Variants in GHRH observed in about 807,000 individuals in gnomAD.
The protein encoded by GHRH is somatoliberin.
In GHRH, 7 loss-of-function variants were observed where a neutral mutation model predicts 15.6. That is an observed-to-expected ratio of 0.45 (90% CI 0.26 to 0.84). The LOEUF (loss-of-function observed/expected upper bound fraction) is 0.84. GHRH is among the 40% of genes least tolerant of loss of function. The pLI, the probability that GHRH is intolerant of heterozygous loss-of-function variation, is 0.18. For missense variants in GHRH, 117 were observed against 138.0 expected, an observed-to-expected ratio of 0.85 and a Z score of 0.76; for synonymous variants, 54 against 50.4, an observed-to-expected ratio of 1.07 and a Z score of -0.30.
At chr20:37,251,448 C>T (rs1053048875) in intron 4 of GHRH, among the ~76,000 whole-genome samples, 3 of 152,154 alleles carry the variant, frequency 2.0e-5, no homozygotes, top group Admixed American at 6.5e-5. Flanking sequence ...CAACTCCCAC[C>T]GAGACCCTGG....
chr20:37,256,335 C>A lies in GHRH; in HGVS notation c.188+59G>T, dbSNP rs2068655485. On this transcript the variant is annotated intron_variant, in intron 3 of 4. Transcript: ENST00000373614. The stretch of plus-strand genomic sequence containing the variant: ...TTGGTCCCTGGTCCCCTGTAGGGAA[C>A]AAGCTCCTGCAGACTCTGCTGCAGG... 2.7e-6 allele frequency: 3 copies of A among 1,100,716 alleles called. No individual in the cohort carries two copies. The Admixed American group carries it at 6.0e-5, about 22-fold the overall frequency. The allele number at this position is 1,100,716 out of a possible 1,614,324, so 68.2% of individuals were successfully genotyped here. A position where few individuals can be genotyped will look rare whatever the true frequency, so the allele number is the denominator to read the frequency against.
In GHRH at chr20:37,254,225, AG is replaced by A. The variant is rs1391081622; in HGVS notation, c.292del (p.Leu98CysfsTer22). The part of the protein sequence containing the change: ...QMELESILVA[L>X]LQKHSRNSQG ...ACACCCATACCTGTGCTTCTGCAGC[AG>A]GGCCACCAGGATGCTCTCCAATTCC... On this transcript the variant is annotated frameshift_variant, in exon 4 of 5. Transcript: ENST00000373614. LOFTEE classifies it high-confidence loss of function. 1 of 1,614,062 alleles carries A rather than the reference AG, an allele frequency of 6.2e-7. No individual in the cohort carries two copies. The highest frequency in any genetic ancestry group is 8.5e-7 in the Non-Finnish European group (1 of 1,180,018).
chr20:37,254,135 T>G, intron 4 of GHRH, 75 bp downstream of exon 4: 3 of 1,539,646 alleles, frequency 1.9e-6, no homozygotes, highest in South Asian at 2.3e-5. Flanking sequence ...GGAGTGGATT[T>G]TTTCCTTTTC....
intron 1 of GHRH, among the ~76,000 whole-genome samples, chr20:37,261,322 T>G (rs1397553558): frequency 1.3e-5 from 2 of 152,226 alleles, no homozygotes; most frequent in African/African-American, 4.8e-5. Context: ...TCCCGGCAAT[T>G]ACATTGAATC....
intron 3 of GHRH, among the ~76,000 whole-genome samples, chr20:37,255,334 A>C (rs1300674003): frequency 6.6e-6 from 1 of 152,010 alleles, no homozygotes; most frequent in Non-Finnish European, 1.5e-5. Context: ...TTTGGCTCCA[A>C]ACTCTGCCAC....
At chr20:37,261,497 C>T (rs2068687019) in intron 1 of GHRH, among the ~76,000 whole-genome samples, 1 of 152,232 alleles carries the variant, frequency 6.6e-6, no homozygotes, top group South Asian at 2.1e-4. Flanking sequence ...CCACCTGCGA[C>T]AGACACCTGG....
Position 37,256,836 on chromosome 20 carries a change from G to A in GHRH, c.54C>T (p.His18=), listed in dbSNP as rs1350327184. The A allele has an allele frequency of 6.2e-7, 1 of 1,613,318 alleles. No individual in the cohort carries two copies. The change falls in exon 2 of 5, where the codon CAC becomes CAT. Residue 18 remains histidine, a synonymous_variant. Transcript: ENST00000373614. ...GGGTCAAAGGGGGAGGTGGGGAGCA[G>A]TGGGAGCTGTTGCTGAGGGTGAGGA... ...FVILTLSNSS[H]CSPPPPLTLR...
intron 4 of GHRH, among the ~76,000 whole-genome samples, 156 bp downstream of exon 4, chr20:37,254,054 C>T (rs559692647): frequency 2.6e-5 from 4 of 152,240 alleles, no homozygotes; most frequent in African/African-American, 9.6e-5. Context: ...CAGCCACTCT[C>T]CTAGTTCTTA....
chr20:37,251,131 GA>G lies in GHRH; in HGVS notation c.*81del. 4.2e-6 allele frequency: 4 copies of G among 947,258 alleles called. No individual in the cohort carries two copies. Among genetic ancestry groups the G allele is most frequent in the Admixed American group, 2.5e-5 (1 of 39,272 alleles). The allele number at this position is 947,258 out of a possible 1,614,324, so 58.7% of individuals were successfully genotyped here. The stretch of plus-strand genomic sequence containing the variant: ...GGGGAATTTTATTGTATTTTCAAAG[GA>G]AAAAGTGGGTCAGAAATGAGAGGAT... On this transcript the variant is annotated 3_prime_UTR_variant, in exon 5 of 5. Coordinates refer to ENST00000373614, the MANE Select transcript of GHRH (RefSeq NM_021081.6).
In GHRH at chr20:37,254,271, A is replaced by G. The variant is rs1216187726; in HGVS notation, c.247T>C (p.Trp83Arg). Reference protein sequence around the residue: ...ARLGRQVDSMWAEQKQMELES... With the variant: ...ARLGRQVDSMRAEQKQMELES... ...AATTCCATTTGCTTTTGTTCTGCCCACATGCTGTCTACCTGACGACCAAGC... is the reference window on the plus strand; with the variant it reads ...AATTCCATTTGCTTTTGTTCTGCCCGCATGCTGTCTACCTGACGACCAAGC... Residue 83 changes from tryptophan (W) to arginine (R), a missense_variant, in exon 4 of 5, where the codon TGG (tryptophan) becomes CGG (arginine). Trp to Arg is a moderately radical substitution (Grantham distance 101). Coordinates refer to ENST00000373614, the MANE Select transcript of GHRH (RefSeq NM_021081.6). 5 of 1,614,134 alleles carry G rather than the reference A, an allele frequency of 3.1e-6. No homozygotes were observed. The highest frequency in any genetic ancestry group is 3.3e-5 in the Admixed American group (2 of 60,022).
intron 4 of GHRH, among the ~76,000 whole-genome samples, chr20:37,252,277 G>A (rs1277804623): frequency 6.6e-6 from 1 of 152,192 alleles, no homozygotes; most frequent in African/African-American, 2.4e-5. Flanking sequence ...CAGACTGGTT[G>A]TCGCCTCTCC....
At chr20:37,252,199 G>C (rs2068625226) in intron 4 of GHRH, among the ~76,000 whole-genome samples, 1 of 152,172 alleles carries the variant, frequency 6.6e-6, no homozygotes, top group Non-Finnish European at 1.5e-5. Context: ...GAGTCGAAAC[G>C]AAGAAGTGTG....
rs769882784 is a variant in GHRH, at chr20:37,256,877, C to T, written c.13G>A (p.Val5Met). 8 of 1,611,248 alleles carry T rather than the reference C, an allele frequency of 5.0e-6. No homozygotes were observed. The highest frequency in any genetic ancestry group is 6.8e-6 in the Non-Finnish European group (8 of 1,178,974). Residue 5 changes from valine to methionine, a missense_variant, in exon 2 of 5, where the codon GTG (valine) becomes ATG (methionine). Physicochemically the swap from Val to Met is conservative, Grantham distance 21. Coordinates refer to ENST00000373614, the MANE Select transcript of GHRH (RefSeq NM_021081.6). ...AGGGTGAGGATCACAAAGAAGAACA[C>T]CCAGAGTGGCATCCTTCACCCGGGG... is the stretch of plus-strand genomic sequence containing the variant. MPLW[V>M]FFFVILTLSN... is the part of the protein sequence containing the mutation.
chr20:37,259,227 C>G (rs1420444028), intron 1 of GHRH, among the ~76,000 whole-genome samples: 1 of 152,204 alleles, frequency 6.6e-6, no homozygotes, highest in Non-Finnish European at 1.5e-5. Context: ...TCTGCACCTA[C>G]AGCCACACGA....
At chr20:37,261,436 G>A (rs963413513) in intron 1 of GHRH, among the ~76,000 whole-genome samples, 2 of 152,150 alleles carry the variant, frequency 1.3e-5, no homozygotes, top group Non-Finnish European at 2.9e-5. Flanking sequence ...GCCAACTCAC[G>A]TTTGCCCCCG....
rs970111387 is a variant in GHRH, at chr20:37,256,438, C to A, written c.144G>T (p.Leu48=). The change falls in exon 3 of 5, where the codon CTG becomes CTT. Residue 48 remains leucine (L), a synonymous_variant. Coordinates refer to ENST00000373614, the MANE Select transcript of GHRH (RefSeq NM_021081.6). ...TGTCCTGGAGCAGCTTGCGGGCGGA[C>A]AGCTGGCCCAGCACCTTCCGGTAGC... is the stretch of plus-strand genomic sequence containing the variant. ...TNSYRKVLGQ[L]SARKLLQDIM... 9 of 1,613,468 alleles carry A rather than the reference C, an allele frequency of 5.6e-6. No individual in the cohort carries two copies. The Admixed American group carries it at 8.3e-5, about 15-fold the overall frequency.
At position 37,261,306 on chromosome 20, in the gene GHRH, T is replaced by C. The variant is rs368803028; in HGVS notation, c.-20+437A>G. On this transcript the variant is annotated intron_variant, in intron 1 of 4. Transcript: ENST00000373614. ...AATTGAGCAAGAAAGCAAAATGTTA[T>C]CAATTTCCCGGCAATTACATTGAAT... Among the ~76,000 whole-genome samples, 16 of 152,222 alleles carry C rather than the reference T, an allele frequency of 1.1e-4. No homozygotes were observed. In the South Asian group the frequency reaches 1.7e-3, roughly 16 times the overall value.
chr20:37,261,458 C>T (rs547741546), intron 1 of GHRH, among the ~76,000 whole-genome samples: 7 of 152,344 alleles, frequency 4.6e-5, no homozygotes, highest in Admixed American at 3.3e-4. Flanking sequence ...AGCCTGCCCA[C>T]GCATCCTCGA....
chr20:37,258,402 G>A lies in GHRH; in HGVS notation c.-19-1494C>T, dbSNP rs1033449518. Among the ~76,000 whole-genome samples, 7 of 152,188 alleles carry A rather than the reference G, an allele frequency of 4.6e-5. No individual in the cohort carries two copies. Among genetic ancestry groups the A allele is most frequent in the Admixed American group, 3.9e-4 (6 of 15,282 alleles). ...TGGGTCCTGCTGAGGAGTTCTGGCA[G>A]GCAGGGCCAGCACTGGCAGAACCCA... On this transcript the variant is annotated intron_variant, in intron 1 of 4. Transcript: ENST00000373614. The surrounding 1 kb of genome is among the most constrained non-coding windows in gnomAD (Gnocchi z 4.1).
Sources: allele counts gnomAD v4.1 joint callset (sites outside exome capture counted in the v4.1 genomes callset), GRCh38; gene constraint gnomAD v4.1.1; non-coding constraint Gnocchi (gnomAD v3.1); transcripts MANE v1.5; gene names NCBI Gene and HGNC (gene_info 2026-07-23, HGNC 2026-07-21).